Variants in EXOC4 observed in about 807,000 individuals in gnomAD.
The protein encoded by EXOC4 is exocyst complex component 4.
Under a neutral mutation model 107.2 loss-of-function variants are expected in EXOC4, and 71 were observed. The ratio of observed to expected loss-of-function variants is 0.66; its 90% CI spans 0.55 to 0.81. The LOEUF (loss-of-function observed/expected upper bound fraction) is 0.81. EXOC4 is among the 30% of genes least tolerant of loss of function. EXOC4 has a pLI of 0.00. For synonymous variants in EXOC4, 456 were observed against 441.2 expected, an observed-to-expected ratio of 1.03 and a Z score of -0.42; for missense variants, 1,108 against 1,189.6, an observed-to-expected ratio of 0.93 and a Z score of 1.01.
intron 1 of EXOC4, among the ~76,000 whole-genome samples, chr7:133,274,675 C>T (rs941605706): frequency 1.3e-5 from 2 of 152,214 alleles, no homozygotes; most frequent in Non-Finnish European, 2.9e-5. Context: ...GAACAGTTCA[C>T]TCAAATCAAG....
At chr7:133,294,695 C>T (rs1470307469) in intron 3 of EXOC4, among the ~76,000 whole-genome samples, 3 of 152,040 alleles carry the variant, frequency 2.0e-5, no homozygotes, top group African/African-American at 4.8e-5. Flanking sequence ...TTCACTTACA[C>T]TGTGTAAATG....
intron 9 of EXOC4, among the ~76,000 whole-genome samples, chr7:133,509,498 A>C (rs1799727450): frequency 1.3e-5 from 2 of 151,784 alleles, no homozygotes; most frequent in African/African-American, 2.4e-5. Context: ...AAGAAGGCTC[A>C]GCTGGAAGGT....
chr7:133,829,847 G>C (rs1414088607), intron 11 of EXOC4, among the ~76,000 whole-genome samples: 6 of 152,304 alleles, frequency 3.9e-5, no homozygotes, highest in Non-Finnish European at 7.3e-5. Flanking sequence ...GCAGCATGCA[G>C]CCAGTTCATT....
chr7:133,433,129 G>C (rs545395705), intron 7 of EXOC4, among the ~76,000 whole-genome samples: 1 of 152,282 alleles, frequency 6.6e-6, no homozygotes, highest in African/African-American at 2.4e-5. Context: ...ATGAGATCTT[G>C]TTATTCCATA....
At chr7:133,950,324 A>G (rs1374392030) in intron 14 of EXOC4, among the ~76,000 whole-genome samples, 2 of 152,210 alleles carry the variant, frequency 1.3e-5, no homozygotes, top group Non-Finnish European at 2.9e-5. Flanking sequence ...TTCTATCCAT[A>G]GCTCATTATT....
intron 13 of EXOC4, among the ~76,000 whole-genome samples, chr7:133,936,194 C>T (rs956146213): frequency 2.0e-5 from 3 of 152,182 alleles, no homozygotes; most frequent in Admixed American, 1.3e-4. Context: ...ACATTCCATG[C>T]GCTCGGTTCA....
intron 9 of EXOC4, among the ~76,000 whole-genome samples, chr7:133,591,571 T>C (rs1426649384): frequency 4.0e-5 from 6 of 150,216 alleles, no homozygotes; most frequent in Admixed American, 6.6e-5. Flanking sequence ...TGTGTGTGCG[T>C]GTGTGTGTGT....
chr7:133,694,259 C>CA (rs10591090), intron 10 of EXOC4, among the ~76,000 whole-genome samples: 137 of 120,158 alleles, frequency 1.1e-3, no homozygotes, highest in African/African-American at 4.4e-3. Flanking sequence ...GATTCCTTCT[C>CA]AAAAAAAAAA....
intron 9 of EXOC4, among the ~76,000 whole-genome samples, chr7:133,599,637 T>G (rs1472194017): frequency 6.6e-6 from 1 of 152,226 alleles, no homozygotes; most frequent in African/African-American, 2.4e-5. Flanking sequence ...GGACCTTTTC[T>G]GGACATTCGT....
intron 7 of EXOC4, among the ~76,000 whole-genome samples, chr7:133,472,456 T>C (rs975335121): frequency 8.5e-5 from 13 of 152,100 alleles, no homozygotes; most frequent in African/African-American, 3.1e-4. Context: ...TGGAAAGTAG[T>C]GAAAATAAGA....
chr7:133,839,177 C>A (rs1310963172), intron 11 of EXOC4, among the ~76,000 whole-genome samples: 1 of 152,116 alleles, frequency 6.6e-6, no homozygotes, highest in African/African-American at 2.4e-5. Context: ...ATAGTGCCAG[C>A]GTTTTGAAAA....
At chr7:133,506,489 T>C (rs906598171) in intron 9 of EXOC4, among the ~76,000 whole-genome samples, 2 of 152,154 alleles carry the variant, frequency 1.3e-5, no homozygotes, top group African/African-American at 2.4e-5. Context: ...TGGTTTTGTA[T>C]GTTGGGATTT....
intron 10 of EXOC4, among the ~76,000 whole-genome samples, chr7:133,663,859 A>G (rs945543644): frequency 3.3e-5 from 5 of 152,190 alleles, no homozygotes; most frequent in Non-Finnish European, 7.3e-5. Context: ...CATTACAAGA[A>G]CATTTTGGCA....
At chr7:133,804,451 A>G (rs1012890532) in intron 10 of EXOC4, among the ~76,000 whole-genome samples, 7 of 152,182 alleles carry the variant, frequency 4.6e-5, no homozygotes, top group South Asian at 2.1e-4. Context: ...AGAAATAATC[A>G]TAAACTAAGT....
At chr7:133,816,447 G>A (rs2550985) in intron 10 of EXOC4, among the ~76,000 whole-genome samples, 150,227 of 152,286 alleles carry the variant, frequency 0.99, 74,143 homozygotes, top group Middle Eastern at 1. Context: ...AATAGAGGAA[G>A]TAGATCATTG....
At chr7:133,608,649 A>C (rs4728294) in intron 9 of EXOC4, among the ~76,000 whole-genome samples, 19,275 of 144,762 alleles carry the variant, frequency 0.13, 1,729 homozygotes, top group Non-Finnish European at 0.19. Context: ...TCCCTGGTTC[A>C]AGCGATTCTC....
intron 14 of EXOC4, among the ~76,000 whole-genome samples, chr7:133,953,886 T>C (rs1046303588): frequency 6.6e-6 from 1 of 152,110 alleles, no homozygotes; most frequent in African/African-American, 2.4e-5. Context: ...TCAGAAACAT[T>C]GCAAGTTTTA....
intron 5 of EXOC4, 110 bp downstream of exon 5, chr7:133,317,500 G>T: frequency 1.4e-6 from 1 of 698,648 alleles, no homozygotes; most frequent in South Asian, 1.7e-5. Flanking sequence ...GGCTAGGTGG[G>T]CCTGAGCTAG....
intron 11 of EXOC4, among the ~76,000 whole-genome samples, chr7:133,839,797 G>A (rs1411205612): frequency 6.6e-6 from 1 of 152,156 alleles, no homozygotes; most frequent in African/African-American, 2.4e-5. Flanking sequence ...GAAGTTCTAA[G>A]TATTACACTT....
Sources: allele counts gnomAD v4.1 joint callset (sites outside exome capture counted in the v4.1 genomes callset), GRCh38; gene constraint gnomAD v4.1.1; transcripts MANE v1.5; gene names NCBI Gene and HGNC (gene_info 2026-07-23, HGNC 2026-07-21).